TTC34: variants seen among roughly 807,000 people sequenced by gnomAD.
TTC34 encodes the protein tetratricopeptide repeat protein 34.
A neutral mutation model predicts 40.7 loss-of-function variants in TTC34; 44 were observed. The observed-to-expected ratio is 1.08, with a 90% CI of 0.85 to 1.39. TTC34 has a LOEUF of 1.39. Ranked by LOEUF, TTC34 falls within the 40% of genes most tolerant of loss-of-function variation. TTC34 has a pLI of 0.00. For missense variants in TTC34, 884 were observed against 838.0 expected, an observed-to-expected ratio of 1.05 and a Z score of -0.68; for synonymous variants, 422 against 398.6, an observed-to-expected ratio of 1.06 and a Z score of -0.70.
intron 6 of TTC34, among the ~76,000 whole-genome samples, chr1:2,653,695 G>A (rs796080829): frequency 4.4e-5 from 1 of 22,856 alleles, no homozygotes; most frequent in African/African-American, 7.2e-5. Context: ...CACACCCCCA[G>A]GTGAGCATCT....
In TTC34 at chr1:2,756,041, G is replaced by A. The variant is rs1437959693; in HGVS notation, c.2226+27568C>T. On this transcript the variant is annotated intron_variant, in intron 6 of 8. Transcript: ENST00000401095. ...CACACACACCCCCAGGCGAGCATCT[G>A]ACAACCTGGAACAGCACCCATACGC... Among the ~76,000 whole-genome samples, 35 of 85,938 alleles carry A rather than the reference G, an allele frequency of 4.1e-4. 2 individuals are homozygous for A. Among genetic ancestry groups the A allele is most frequent in the African/African-American group, 2.1e-3 (26 of 12,380 alleles). 56.4% of individuals were successfully genotyped at this position (85,938 alleles called of 152,430 possible).
chr1:2,691,705 C>G (rs1437389535), intron 6 of TTC34, among the ~76,000 whole-genome samples: 4 of 96,394 alleles, frequency 4.1e-5, no homozygotes, highest in Non-Finnish European at 5.0e-5. Context: ...CACCCACATC[C>G]CCAGGTGAGC....
chr1:2,683,133 C>T (rs562344329), intron 6 of TTC34, among the ~76,000 whole-genome samples: 3 of 137,184 alleles, frequency 2.2e-5, no homozygotes, highest in East Asian at 4.2e-4. Context: ...ATTTGACAGC[C>T]TGGAACAGCA....
chr1:2,751,202 CCACACCCTCAGGTGAGCATCT>C (rs1641307647), intron 6 of TTC34, among the ~76,000 whole-genome samples: 1 of 120,254 alleles, frequency 8.3e-6, no homozygotes. Context: ...GGAGCAGCAC[CCACACCCTCAGGTGAGCATCT>C]GACAGCCTGG....
At chr1:2,792,451 G>C (rs1044852481) in intron 2 of TTC34, among the ~76,000 whole-genome samples, 3 of 152,096 alleles carry the variant, frequency 2.0e-5, no homozygotes, top group Non-Finnish European at 2.9e-5. Flanking sequence ...ATGAATAGTA[G>C]TTTCTTCCCA....
chr1:2,787,539 A>G (rs970493505), exon 4 of TTC34: 7 of 1,539,066 alleles, frequency 4.5e-6, no homozygotes, highest in Non-Finnish European at 6.1e-6. Context: ...TCGTGCCAGC[A>G]CAGGGGCTGC....
intron 6 of TTC34, among the ~76,000 whole-genome samples, chr1:2,653,641 C>CACCCACACCCCAGGTG (rs1639231155): frequency 6.7e-6 from 1 of 149,080 alleles, no homozygotes; most frequent in Non-Finnish European, 1.5e-5. Flanking sequence ...CCTGGAGCAG[C>CACCCACACCCCAGGTG]ATCCACACCC....
chr1:2,660,107 A>ACC (rs1639487201), intron 6 of TTC34, among the ~76,000 whole-genome samples: 1 of 128,606 alleles, frequency 7.8e-6, no homozygotes, highest in Non-Finnish European at 1.6e-5. Context: ...CAGAACCCAC[A>ACC]CCAACAGGCG....
At chr1:2,655,298 G>C (rs1368336507) in intron 6 of TTC34, among the ~76,000 whole-genome samples, 1 of 90,960 alleles carries the variant, frequency 1.1e-5, no homozygotes, top group African/African-American at 4.0e-5. Flanking sequence ...CACAACCCCA[G>C]GTGAGCATCT....
intron 8 of TTC34, among the ~76,000 whole-genome samples, chr1:2,642,514 C>T (rs1638928804): frequency 6.6e-6 from 1 of 152,186 alleles, no homozygotes; most frequent in Non-Finnish European, 1.5e-5. Context: ...GCCCCCCCCA[C>T]TCCTCCCGGG....
chr1:2,785,967 G>T lies in TTC34; in HGVS notation c.1911C>A (p.Asp637Glu), dbSNP rs370056680. 3.4e-5 allele frequency: 52 copies of T among 1,511,594 alleles called. No individual in the cohort carries two copies. Among genetic ancestry groups the T allele is most frequent in the Non-Finnish European group, 4.5e-5 (51 of 1,123,650 alleles). The allele number at this position is 1,511,594 out of a possible 1,614,324, so 93.6% of individuals were successfully genotyped here. The change falls in exon 5 of 9, where the codon GAC (aspartate) becomes GAA (glutamate). Residue 637 changes from aspartate (D) to glutamate (E), a missense_variant. Transcript: ENST00000401095. ...GCTGCCGGTCCTCGTGGCAGAAGAC[G>T]TCCAGGGTGGGCTGGAGGCAGGCGG...
intron 2 of TTC34, among the ~76,000 whole-genome samples, chr1:2,794,710 T>C (rs1015698730): frequency 1.6e-4 from 24 of 152,190 alleles, no homozygotes; most frequent in Admixed American, 1.2e-3. Context: ...ATTGTCACCA[T>C]TGAGTATGAT....
chr1:2,757,614 TG>T (rs1641549483), intron 6 of TTC34, among the ~76,000 whole-genome samples: 1 of 145,966 alleles, frequency 6.9e-6, no homozygotes, highest in East Asian at 2.0e-4. Flanking sequence ...TCCGCCAGCC[TG>T]GAACAGCACC....
At chr1:2,750,009 A>C (rs1184608521) in intron 6 of TTC34, among the ~76,000 whole-genome samples, 2 of 96,302 alleles carry the variant, frequency 2.1e-5, no homozygotes, top group Non-Finnish European at 3.8e-5. Flanking sequence ...CCACATCCCC[A>C]GGCGAGCATC....
chr1:2,785,410 G>A (rs926188642), intron 5 of TTC34, among the ~76,000 whole-genome samples: 1 of 152,150 alleles, frequency 6.6e-6, no homozygotes, highest in Non-Finnish European at 1.5e-5. Context: ...CCCCCGTGCT[G>A]GGTGTCCCAG....
chr1:2,658,658 C>A (rs1639439216), intron 6 of TTC34, among the ~76,000 whole-genome samples: 5 of 79,780 alleles, frequency 6.3e-5, no homozygotes, highest in Admixed American at 1.2e-4. Flanking sequence ...TGGAACAGCA[C>A]CCTGCACCCC....
At position 2,645,533 on chromosome 1, in the gene TTC34, T is replaced by A; in HGVS notation, c.2257A>T (p.Lys753Ter). ...GGGACCACAGTCCCGGGGCCGAGCT[T>A]CAGAGCAGAGACGATGTCGTCCACG... Residue 753 changes from lysine (K) to a stop codon, truncating the protein, a stop_gained, in exon 7 of 9, where the codon AAG (lysine) becomes TAG (stop). Transcript: ENST00000401095. LOFTEE classifies it high-confidence loss of function. This position sits in a 1 kb window ranked among gnomAD's most constrained non-coding sequence, Gnocchi z 4.7. 1 of 1,177,106 alleles carries A rather than the reference T, an allele frequency of 8.5e-7. No homozygotes were observed. The highest frequency in any genetic ancestry group is 7.8e-5 in the East Asian group (1 of 12,804). The allele number at this position is 1,177,106 out of a possible 1,614,324, so 72.9% of individuals were successfully genotyped here. A position where few individuals can be genotyped will look rare whatever the true frequency, so the allele number is the denominator to read the frequency against.
At chr1:2,769,538 G>T (rs1641965286) in intron 6 of TTC34, among the ~76,000 whole-genome samples, 2 of 105,360 alleles carry the variant, frequency 1.9e-5, no homozygotes, top group African/African-American at 4.3e-5. Flanking sequence ...ACCTGGAGCA[G>T]CACCCCACAC....
At position 2,784,855 on chromosome 1, in the gene TTC34, G is replaced by A. The variant is rs150490624; in HGVS notation, c.2059+964C>T. On this transcript the variant is annotated intron_variant, in intron 5 of 8. Coordinates refer to ENST00000401095, the Ensembl canonical transcript of TTC34. ...GTTTGTGCCTTCAGTCTCTTGCCTC[G>A]GCACCTAGGTAATCTTTTGCCCACA... Among the ~76,000 whole-genome samples the A allele has an allele frequency of 4.1e-3, 618 of 151,776 alleles. 2 individuals are homozygous for A. Among genetic ancestry groups the A allele is most frequent in the Non-Finnish European group, 5.5e-3 (371 of 67,930 alleles).
Sources: gnomAD v4.1 joint callset for allele counts (sites outside exome capture counted in the v4.1 genomes callset) on GRCh38, gnomAD v4.1.1 for gene constraint, Gnocchi (gnomAD v3.1) non-coding constraint, MANE v1.5 for transcripts, NCBI Gene and HGNC (gene_info 2026-07-23, HGNC 2026-07-21) for gene names.